Variants in GPATCH2 observed in about 807,000 individuals in gnomAD.
GPATCH2 encodes G-patch domain containing 2.
GPATCH2 carries 51 observed loss-of-function variants against 58.0 expected under a neutral mutation model. The observed-to-expected ratio is 0.88, with a 90% CI of 0.70 to 1.11. The LOEUF (loss-of-function observed/expected upper bound fraction) is 1.11. GPATCH2 is among the 50% of genes most tolerant of loss of function. GPATCH2 has a pLI of 0.00. For synonymous variants in GPATCH2, 222 were observed against 218.5 expected, an observed-to-expected ratio of 1.02 and a Z score of -0.14; for missense variants, 625 against 652.2, an observed-to-expected ratio of 0.96 and a Z score of 0.45.
chr1:217,456,137 A>T (rs1175619235), intron 8 of GPATCH2, among the ~76,000 whole-genome samples: 1 of 152,104 alleles, frequency 6.6e-6, no homozygotes, highest in Non-Finnish European at 1.5e-5. Flanking sequence ...CTGGACAAGG[A>T]CCTGGGTACC....
At chr1:217,492,690 C>T (rs993079870) in intron 7 of GPATCH2, 15 of 152,158 alleles carry the variant, frequency 9.9e-5, no homozygotes, top group Admixed American at 3.9e-4. Context: ...GCCTTGGTCT[C>T]CACCTGTAAA....
At chr1:217,542,064 A>G (rs1050620905) in intron 5 of GPATCH2, among the ~76,000 whole-genome samples, 3 of 152,152 alleles carry the variant, frequency 2.0e-5, no homozygotes, top group Admixed American at 2.0e-4. Context: ...TGGTAAAAAA[A>G]TTTTAAGGAG....
At chr1:217,611,983 C>A (rs1668655947) in intron 3 of GPATCH2, among the ~76,000 whole-genome samples, 1 of 151,878 alleles carries the variant, frequency 6.6e-6, no homozygotes, top group South Asian at 2.1e-4. Flanking sequence ...AGTTCCAGAC[C>A]AACCTGGGCA....
At chr1:217,525,086 A>C (rs1663818763) in intron 5 of GPATCH2, among the ~76,000 whole-genome samples, 1 of 151,370 alleles carries the variant, frequency 6.6e-6, no homozygotes, top group Non-Finnish European at 1.5e-5. Flanking sequence ...ACCTAAATAT[A>C]CTCTATTAAA....
rs189264031 is a variant in GPATCH2 at position 217,476,748 on chromosome 1, A to G, written c.1277+14932T>C. On this transcript the variant is annotated intron_variant, in intron 8 of 9. Transcript: ENST00000366935. ...AAACTTGAGTTTCTGCAAACCTCGC[A>G]ACCATAAGCTAAAGTACTCTGGGGC... Among the ~76,000 whole-genome samples, 3 of 152,280 alleles carry G rather than the reference A, an allele frequency of 2.0e-5. No individual in the cohort carries two copies. In the East Asian group the frequency reaches 5.8e-4, roughly 29 times the overall value.
At chr1:217,576,906 A>T (rs12145851) in intron 5 of GPATCH2, among the ~76,000 whole-genome samples, 24,159 of 152,174 alleles carry the variant, frequency 0.16, 2,441 homozygotes, top group Non-Finnish European at 0.22. Flanking sequence ...AATATATTGC[A>T]AGCACTGGTG....
At chr1:217,471,334 G>A (rs540856930) in intron 8 of GPATCH2, among the ~76,000 whole-genome samples, 77 of 152,174 alleles carry the variant, frequency 5.1e-4, no homozygotes, top group Non-Finnish European at 8.4e-4. Flanking sequence ...CTAATGAACA[G>A]TTACCCTATC....
chr1:217,618,221 C>CT lies in GPATCH2; in HGVS notation c.773+1561dup, dbSNP rs34863823. Reference sequence around the variant, plus strand: ...TAAACTTTTCAAAGCCCTCTGGAAACTTTTTTTTTTTTTTTTTTTTGAGAT... The same window carrying CT: ...TAAACTTTTCAAAGCCCTCTGGAAACTTTTTTTTTTTTTTTTTTTTTGAGAT... On this transcript the variant is annotated intron_variant, in intron 2 of 9. Coordinates refer to ENST00000366935, the MANE Select transcript of GPATCH2 (RefSeq NM_018040.5). Among the ~76,000 whole-genome samples, 921 of 124,706 alleles carry CT rather than the reference C, an allele frequency of 7.4e-3. 10 individuals are homozygous for CT. The highest frequency in any genetic ancestry group is 0.025 in the South Asian group (98 of 3,864). 81.8% of individuals were successfully genotyped at this position (124,706 alleles called of 152,430 possible). A position where few individuals can be genotyped will look rare whatever the true frequency, so the allele number is the denominator to read the frequency against.
At chr1:217,494,956 A>T (rs1046114357) in intron 7 of GPATCH2, 6 of 185,086 alleles carry the variant, frequency 3.2e-5, no homozygotes, top group African/African-American at 1.4e-4. Context: ...ATTCTGACTC[A>T]ATAATGTCAA....
chr1:217,512,363 T>C (rs1006113828), intron 6 of GPATCH2, among the ~76,000 whole-genome samples: 9 of 152,154 alleles, frequency 5.9e-5, no homozygotes, highest in African/African-American at 1.7e-4. Flanking sequence ...ATAATCTGAA[T>C]TGAATTAAAG....
intron 5 of GPATCH2, among the ~76,000 whole-genome samples, chr1:217,530,419 T>C (rs184430382): frequency 1.1e-4 from 17 of 152,334 alleles, no homozygotes; most frequent in Admixed American, 2.0e-4. Flanking sequence ...CAGTGTGTAT[T>C]AGCTATTATT....
chr1:217,461,871 GAT>G (rs1438466079), intron 8 of GPATCH2, among the ~76,000 whole-genome samples: 2 of 152,060 alleles, frequency 1.3e-5, no homozygotes, highest in African/African-American at 4.8e-5. Context: ...GTTTTTGGTA[GAT>G]ATATGTTATA....
intron 5 of GPATCH2, among the ~76,000 whole-genome samples, chr1:217,536,716 C>T (rs898657949): frequency 9.9e-5 from 15 of 152,058 alleles, no homozygotes; most frequent in African/African-American, 3.4e-4. Flanking sequence ...GGCTCATGCC[C>T]GTAATCCCAA....
chr1:217,503,366 A>G (rs1662397624), intron 6 of GPATCH2, among the ~76,000 whole-genome samples: 1 of 152,132 alleles, frequency 6.6e-6, no homozygotes, highest in Admixed American at 6.5e-5. Context: ...TCTTTCTAGA[A>G]GTTTGGCTTT....
At chr1:217,476,962 A>G (rs1055694154) in intron 8 of GPATCH2, among the ~76,000 whole-genome samples, 12 of 151,972 alleles carry the variant, frequency 7.9e-5, no homozygotes, top group African/African-American at 2.9e-4. Context: ...CATAACTCCA[A>G]AAGGGATCCC....
intron 5 of GPATCH2, among the ~76,000 whole-genome samples, chr1:217,569,021 T>A (rs965438539): frequency 2.0e-5 from 3 of 152,054 alleles, no homozygotes; most frequent in African/African-American, 7.2e-5. Context: ...ATTAAAATAT[T>A]CATTAGTAAA....
At position 217,440,594 on chromosome 1, in the gene GPATCH2, T is replaced by C. The variant is rs1571703281; in HGVS notation, c.1366+8655A>G. 2.0e-5 allele frequency among the ~76,000 whole-genome samples: 3 copies of C among 152,150 alleles called. No homozygotes were observed. The South Asian group carries it at 6.2e-4, about 32-fold the overall frequency. ...TTGTCTCTGTTTGCAGATGACATGA[T>C]TGCATATTTAGAAAACCCCATTGTC... On this transcript the variant is annotated intron_variant, in intron 9 of 9. Coordinates refer to ENST00000366935, the MANE Select transcript of GPATCH2 (RefSeq NM_018040.5).
chr1:217,449,985 C>T (rs994024756), intron 8 of GPATCH2, among the ~76,000 whole-genome samples: 20 of 152,004 alleles, frequency 1.3e-4, no homozygotes, highest in Non-Finnish European at 2.4e-4. Flanking sequence ...AGTGGACCTT[C>T]TGCTATTTTT....
chr1:217,515,793 A>G (rs1205549203), intron 5 of GPATCH2, among the ~76,000 whole-genome samples: 8 of 111,306 alleles, frequency 7.2e-5, no homozygotes, highest in Non-Finnish European at 1.2e-4. Context: ...CCAGTGACTT[A>G]TTACATAAAA....
Sources: gnomAD v4.1 joint callset for allele counts (sites outside exome capture counted in the v4.1 genomes callset) on GRCh38, gnomAD v4.1.1 for gene constraint, MANE v1.5 for transcripts, NCBI Gene and HGNC (gene_info 2026-07-23, HGNC 2026-07-21) for gene names.